SLC23A2: variants seen among roughly 807,000 people sequenced by gnomAD.
SLC23A2 encodes the protein solute carrier family 23 member 2, also known as Na(+)/L-ascorbic acid transporter 2.
Under a neutral mutation model 73.3 loss-of-function variants are expected in SLC23A2, and 36 were observed. That is an observed-to-expected ratio of 0.49 (90% CI 0.38 to 0.65). The LOEUF (loss-of-function observed/expected upper bound fraction) is 0.65. Among genes scored for constraint, SLC23A2 ranks in the 30% least tolerant of loss-of-function variants. SLC23A2 has a pLI of 0.00. For synonymous variants in SLC23A2, 343 were observed against 327.3 expected (o/e 1.05, Z -0.52); for missense variants, 507 against 841.6 (o/e 0.60, Z 4.92).
At chr20:4,949,942 T>A (rs1282785524) in intron 2 of SLC23A2, among the ~76,000 whole-genome samples, 1 of 152,184 alleles carries the variant, frequency 6.6e-6, no homozygotes, top group African/African-American at 2.4e-5. Context: ...GCGATTGTCC[T>A]GGTACTCAGC....
intron 1 of SLC23A2, among the ~76,000 whole-genome samples, chr20:4,977,270 C>T (rs2087656843): frequency 6.6e-6 from 1 of 152,160 alleles, no homozygotes; most frequent in South Asian, 2.1e-4. Flanking sequence ...CATTCTAGGA[C>T]ACTTACTACA....
intron 12 of SLC23A2, chr20:4,869,664 A>G: frequency 2.2e-6 from 1 of 454,862 alleles, no homozygotes; most frequent in Non-Finnish European, 3.9e-6. Flanking sequence ...CACTGCAATT[A>G]AGGAAGGGTA....
intron 6 of SLC23A2, among the ~76,000 whole-genome samples, chr20:4,891,530 G>A (rs1426506928): frequency 6.6e-6 from 1 of 152,206 alleles, no homozygotes; most frequent in East Asian, 1.9e-4. Context: ...AGATTCCAGG[G>A]TCAGTGGGGC....
chr20:4,932,878 C>G (rs2122945470), intron 2 of SLC23A2, among the ~76,000 whole-genome samples, 162 bp from the exon 3 acceptor site: 1 of 152,310 alleles, frequency 6.6e-6, no homozygotes, highest in Non-Finnish European at 1.5e-5. Flanking sequence ...CCAACACCTT[C>G]TTTATTTATA....
chr20:4,936,027 T>C (rs1311854148), intron 2 of SLC23A2, among the ~76,000 whole-genome samples: 1 of 152,182 alleles, frequency 6.6e-6, no homozygotes, highest in African/African-American at 2.4e-5. Flanking sequence ...CTTTACATCT[T>C]TGTTGTATTT....
At chr20:4,946,419 G>A (rs1307196562) in intron 2 of SLC23A2, among the ~76,000 whole-genome samples, 1 of 152,208 alleles carries the variant, frequency 6.6e-6, no homozygotes, top group African/African-American at 2.4e-5. Flanking sequence ...GAGAGGATGC[G>A]ATGCCACTGG....
chr20:4,976,144 C>T (rs1046264456), intron 1 of SLC23A2, among the ~76,000 whole-genome samples: 4 of 151,656 alleles, frequency 2.6e-5, no homozygotes, highest in Non-Finnish European at 5.9e-5. Flanking sequence ...TGAGCCACCA[C>T]GCCCGGCCAA....
chr20:4,991,722 A>T (rs1288190098), intron 1 of SLC23A2, among the ~76,000 whole-genome samples: 22 of 24,480 alleles, frequency 9.0e-4, no homozygotes, highest in Admixed American at 4.1e-3. Flanking sequence ...ACTCCGTTTC[A>T]CACACACACA....
chr20:4,973,169 C>A (rs937141330), intron 1 of SLC23A2, among the ~76,000 whole-genome samples: 2 of 152,312 alleles, frequency 1.3e-5, no homozygotes, highest in East Asian at 3.9e-4. Flanking sequence ...ACAGATCAAA[C>A]TGCTTTGAAG....
In SLC23A2 at chr20:4,870,306, C is replaced by A. The variant is rs114207643; in HGVS notation, c.1103-253G>T. Among the ~76,000 whole-genome samples the A allele has an allele frequency of 7.8e-3, 1,187 of 152,270 alleles. 15 individuals carry two copies. The highest frequency in any genetic ancestry group is 0.027 in the African/African-American group (1,135 of 41,552). On this transcript the variant is annotated intron_variant, in intron 11 of 16. Coordinates refer to ENST00000338244, the MANE Select transcript of SLC23A2 (RefSeq NM_005116.6). Reference sequence around the variant, plus strand: ...TAAAAGAAAACATCGTAGCCGGATGCGGTGGCTCACGCCTGTAATCCCAGC... The same window carrying A: ...TAAAAGAAAACATCGTAGCCGGATGAGGTGGCTCACGCCTGTAATCCCAGC...
chr20:4,880,224 T>C (rs1930829163), intron 9 of SLC23A2, among the ~76,000 whole-genome samples: 1 of 152,234 alleles, frequency 6.6e-6, no homozygotes, highest in African/African-American at 2.4e-5. Context: ...GTTTGCAAGT[T>C]AGTGCATATA....
chr20:4,888,319 CAG>C (rs1931185363), intron 6 of SLC23A2, among the ~76,000 whole-genome samples: 2 of 152,158 alleles, frequency 1.3e-5, no homozygotes, highest in African/African-American at 4.8e-5. Context: ...GCAGCATTAA[CAG>C]AGACACGCAA....
At chr20:4,993,643 CAG>C (rs2087968443) in intron 1 of SLC23A2, among the ~76,000 whole-genome samples, 1 of 151,830 alleles carries the variant, frequency 6.6e-6, no homozygotes, top group Admixed American at 6.6e-5. Flanking sequence ...TTAGATAAAA[CAG>C]AAGAGACTTA....
rs570410398 is a variant in SLC23A2 at position 4,863,212 on chromosome 20, C to G, written c.1357-305G>C. 6.6e-6 allele frequency among the ~76,000 whole-genome samples: 1 copy of G among 152,154 alleles called. No homozygotes were observed. The highest frequency in any genetic ancestry group is 6.5e-5 in the Admixed American group (1 of 15,282). On this transcript the variant is annotated intron_variant, in intron 13 of 16. Coordinates refer to ENST00000338244, the MANE Select transcript of SLC23A2 (RefSeq NM_005116.6). The surrounding 1 kb of genome is among the most constrained non-coding windows in gnomAD (Gnocchi z 4.8). ...TTTGCCCCTGCCTATCCCCTGGGTT[C>G]CCGGCACCACATGTCACCAAGGCAA...
At chr20:4,975,065 T>G (rs892833029) in intron 1 of SLC23A2, among the ~76,000 whole-genome samples, 19 of 152,150 alleles carry the variant, frequency 1.2e-4, no homozygotes, top group African/African-American at 4.6e-4. Context: ...GGATTACAGG[T>G]GTGAGCCACC....
intron 2 of SLC23A2, among the ~76,000 whole-genome samples, chr20:4,959,401 G>A (rs1011983803): frequency 1.3e-5 from 2 of 152,084 alleles, no homozygotes; most frequent in African/African-American, 4.8e-5. Context: ...GTTTCCATAA[G>A]ACCCAGCAAT....
rs944704835 is a variant in SLC23A2, at chr20:4,867,707, A to G, written c.1356+63T>C. On this transcript the variant is annotated intron_variant, in intron 13 of 16. Coordinates refer to ENST00000338244, the MANE Select transcript of SLC23A2 (RefSeq NM_005116.6). ...CCCATTTGGAACTTGCAGTGGCCAG[A>G]TCGATCAATGAAATGGACCAATGCT... 4.3e-6 allele frequency: 4 copies of G among 922,942 alleles called. No homozygotes were observed. The African/African-American group carries it at 6.7e-5, about 15-fold the overall frequency. The allele number at this position is 922,942 out of a possible 1,614,324, so 57.2% of individuals were successfully genotyped here.
intron 4 of SLC23A2, among the ~76,000 whole-genome samples, chr20:4,910,810 G>A (rs914647527): frequency 1.3e-5 from 2 of 152,094 alleles, no homozygotes; most frequent in Non-Finnish European, 2.9e-5. Context: ...AAATGGCCAG[G>A]AAAATATTAA....
intron 3 of SLC23A2, among the ~76,000 whole-genome samples, chr20:4,917,723 C>T (rs546689587): frequency 6.6e-6 from 1 of 152,302 alleles, no homozygotes; most frequent in East Asian, 1.9e-4. Flanking sequence ...TGCTACCCTC[C>T]TGTTGCCCAG....
Sources: allele counts gnomAD v4.1 joint callset (sites outside exome capture counted in the v4.1 genomes callset), GRCh38; gene constraint gnomAD v4.1.1; non-coding constraint Gnocchi (gnomAD v3.1); transcripts MANE v1.5; gene names NCBI Gene and HGNC (gene_info 2026-07-23, HGNC 2026-07-21).